The following PDE1A variants were observed in gnomAD, a reference collection of about 807,000 sequenced individuals.
The protein encoded by PDE1A is phosphodiesterase 1A, also known as dual specificity calcium/calmodulin-dependent 3',5'-cyclic nucleotide phosphodiesterase 1A.
A neutral mutation model predicts 61.7 loss-of-function variants in PDE1A; 35 were observed. That is an observed-to-expected ratio of 0.57 (90% CI 0.43 to 0.75). The LOEUF (loss-of-function observed/expected upper bound fraction) is 0.75. PDE1A is among the 30% of genes least tolerant of loss of function. The pLI is 0.00. For synonymous variants in PDE1A, 232 were observed against 213.2 expected (o/e 1.09, Z -0.77); for missense variants, 597 against 630.6 (o/e 0.95, Z 0.57).
intron 2 of PDE1A, among the ~76,000 whole-genome samples, chr2:182,474,633 C>T (rs538889888): frequency 1.3e-5 from 2 of 151,968 alleles, no homozygotes; most frequent in South Asian, 2.1e-4. Flanking sequence ...TTAGGTCAGT[C>T]CTCTTGATGA....
At chr2:182,459,987 T>G (rs1227620564) in intron 2 of PDE1A, among the ~76,000 whole-genome samples, 2 of 152,138 alleles carry the variant, frequency 1.3e-5, no homozygotes, top group Non-Finnish European at 2.9e-5. Context: ...GCCACCTCAA[T>G]CTCCATTCAC....
intron 1 of PDE1A, among the ~76,000 whole-genome samples, chr2:182,330,224 A>G (rs984653740): frequency 2.0e-5 from 3 of 152,008 alleles, no homozygotes; most frequent in Non-Finnish European, 4.4e-5. Context: ...CGAGCCTGTA[A>G]TCCCAGCTAC....
chr2:182,693,605 G>C, the PDE1A span, among the ~76,000 whole-genome samples: 1 of 147,904 alleles, frequency 6.8e-6, no homozygotes, highest in Non-Finnish European at 1.5e-5. Flanking sequence ...TTTCTTTTCG[G>C]TGTGTTGTCT....
At chr2:182,593,466 G>T in the PDE1A span, among the ~76,000 whole-genome samples, 5 of 152,148 alleles carry the variant, frequency 3.3e-5, no homozygotes, top group East Asian at 7.7e-4. Context: ...ACTACTGTTC[G>T]AATTAAGTAC....
intron 1 of PDE1A, among the ~76,000 whole-genome samples, chr2:182,272,700 C>T (rs1270699161): frequency 2.6e-5 from 4 of 151,848 alleles, no homozygotes; most frequent in Non-Finnish European, 5.9e-5. Flanking sequence ...GTGAGAGAAA[C>T]CTGTAAGGGA....
the PDE1A span, among the ~76,000 whole-genome samples, chr2:182,657,379 C>G: frequency 2.6e-5 from 4 of 152,180 alleles, no homozygotes; most frequent in Non-Finnish European, 5.9e-5. Flanking sequence ...ATATTTAACA[C>G]TATTACAAAT....
the PDE1A span, among the ~76,000 whole-genome samples, chr2:182,541,583 A>C: frequency 6.6e-6 from 1 of 152,222 alleles, no homozygotes; most frequent in Non-Finnish European, 1.5e-5. Flanking sequence ...GCAATATATT[A>C]TGCTATTGAA....
the PDE1A span, among the ~76,000 whole-genome samples, chr2:182,679,465 T>C: frequency 6.7e-6 from 1 of 150,174 alleles, no homozygotes; most frequent in South Asian, 2.1e-4. Context: ...CCTCCCAAAG[T>C]GCTGAGATTA....
At chr2:182,361,968 G>A (rs183796791) in intron 1 of PDE1A, among the ~76,000 whole-genome samples, 2 of 152,122 alleles carry the variant, frequency 1.3e-5, no homozygotes, top group Admixed American at 1.3e-4. Context: ...TCAACTGCAG[G>A]TCAGAAGAAA....
the PDE1A span, among the ~76,000 whole-genome samples, chr2:182,674,017 T>C: frequency 6.7e-6 from 1 of 148,500 alleles, no homozygotes; most frequent in Non-Finnish European, 1.5e-5. Flanking sequence ...TATATATATA[T>C]ATATATGAAT....
chr2:182,143,492 A>G (rs1001814026), downstream of PDE1A, among the ~76,000 whole-genome samples: 4 of 151,894 alleles, frequency 2.6e-5, no homozygotes, highest in Non-Finnish European at 4.4e-5. Context: ...TTTTTTAAAA[A>G]ATTTTAATTA....
At chr2:182,368,342 C>CA (rs1553602843) in intron 1 of PDE1A, among the ~76,000 whole-genome samples, 1 of 151,256 alleles carries the variant, frequency 6.6e-6, no homozygotes, top group Non-Finnish European at 1.5e-5. Context: ...CAGCCCCCCC[C>CA]ACCCAAAGGC....
intron 2 of PDE1A, among the ~76,000 whole-genome samples, chr2:182,242,395 GAC>G (rs1690586774): frequency 6.6e-6 from 1 of 152,118 alleles, no homozygotes; most frequent in Non-Finnish European, 1.5e-5. Context: ...ATTAATTAGG[GAC>G]ACACAAATAA....
the PDE1A span, among the ~76,000 whole-genome samples, chr2:182,560,144 T>C: frequency 6.6e-6 from 1 of 151,620 alleles, no homozygotes; most frequent in Non-Finnish European, 1.5e-5. Flanking sequence ...ACATGTGCCA[T>C]GCTGGTGTAC....
intron 2 of PDE1A, among the ~76,000 whole-genome samples, chr2:182,513,740 G>A (rs928416770): frequency 2.0e-5 from 3 of 152,146 alleles, no homozygotes; most frequent in African/African-American, 4.8e-5. Flanking sequence ...TCAAAGTAAA[G>A]GGATGGAGTA....
rs1685909061 is a variant in PDE1A at position 182,456,208 on chromosome 2, TTACCAGGGAACTTATCA to T, written c.101+66051_101+66067del. ...GGTCCCTGGATCAGTAGCATCCACT[TTACCAGGGAACTTATCA>T]GCCATGCAAACAATCGGCCCCCCTT... On this transcript the variant is annotated intron_variant, in intron 2 of 14. Coordinates refer to the PDE1A transcript ENST00000410103. Among the ~76,000 whole-genome samples the T allele has an allele frequency of 2.0e-5, 3 of 152,114 alleles. No homozygotes were observed. The South Asian group carries it at 6.2e-4, about 32-fold the overall frequency.
At chr2:182,296,513 T>C (rs1694896649) in intron 1 of PDE1A, among the ~76,000 whole-genome samples, 1 of 152,250 alleles carries the variant, frequency 6.6e-6, no homozygotes, top group African/African-American at 2.4e-5. Context: ...TAGATACCGA[T>C]ATAGATATAG....
chr2:182,376,375 A>G (rs925852275), intron 1 of PDE1A, among the ~76,000 whole-genome samples: 10 of 152,168 alleles, frequency 6.6e-5, no homozygotes, highest in Admixed American at 3.3e-4. Flanking sequence ...AAAGTTCCAA[A>G]AAACTCTAGG....
chr2:182,162,686 G>T (rs1269724523), intron 13 of PDE1A, among the ~76,000 whole-genome samples: 1 of 152,136 alleles, frequency 6.6e-6, no homozygotes, highest in Non-Finnish European at 1.5e-5. Context: ...AGGCTTTTCA[G>T]GGATGACTGG....
Sources: gnomAD v4.1 joint callset for allele counts (sites outside exome capture counted in the v4.1 genomes callset) on GRCh38, gnomAD v4.1.1 for gene constraint, MANE v1.5 for transcripts, NCBI Gene and HGNC (gene_info 2026-07-23, HGNC 2026-07-21) for gene names.